Variants in OLFML1 observed in about 807,000 individuals in gnomAD.
OLFML1 encodes olfactomedin-like protein 1.
OLFML1 carries 33 observed loss-of-function variants against 37.3 expected under a neutral mutation model. The ratio of observed to expected loss-of-function variants is 0.88; its 90% CI spans 0.67 to 1.18. The LOEUF is 1.18. OLFML1 is among the 50% of genes most tolerant of loss of function. The pLI is 0.00. For synonymous variants in OLFML1, 186 were observed against 181.3 expected, an observed-to-expected ratio of 1.03 and a Z score of -0.21; for missense variants, 545 against 483.7, an observed-to-expected ratio of 1.13 and a Z score of -1.19.
At chr11:7,504,690 T>C (rs1848763167) in intron 2 of OLFML1, 1 of 152,026 alleles carries the variant, frequency 6.6e-6, no homozygotes, top group Admixed American at 6.6e-5. Context: ...AGTGTGATAG[T>C]CATATGGAAA....
intron 2 of OLFML1, among the ~76,000 whole-genome samples, chr11:7,496,689 T>C (rs995152555): frequency 1.3e-5 from 2 of 151,270 alleles, no homozygotes; most frequent in African/African-American, 4.9e-5. Flanking sequence ...CCTTTTCAGT[T>C]TGGAATATTA....
intron 2 of OLFML1, 110 bp from the exon 3 acceptor site, chr11:7,509,288 T>A: frequency 1.3e-6 from 1 of 756,654 alleles, no homozygotes; most frequent in South Asian, 1.9e-5. Flanking sequence ...ATATTCCCCA[T>A]CAGTATTAGA....
At chr11:7,487,174 A>G (rs1848533439) in intron 1 of OLFML1, among the ~76,000 whole-genome samples, 2 of 152,224 alleles carry the variant, frequency 1.3e-5, no homozygotes, top group Non-Finnish European at 2.9e-5. Flanking sequence ...TTTGAAAAAG[A>G]CAAGGATATG....
At chr11:7,498,270 C>T (rs1848685524) in intron 2 of OLFML1, among the ~76,000 whole-genome samples, 1 of 152,198 alleles carries the variant, frequency 6.6e-6, no homozygotes, top group Non-Finnish European at 1.5e-5. Flanking sequence ...TCTGCAGGAG[C>T]AGAGGATTTT....
At chr11:7,500,746 A>G (rs1457768868) in intron 2 of OLFML1, among the ~76,000 whole-genome samples, 1 of 151,504 alleles carries the variant, frequency 6.6e-6, no homozygotes, top group Non-Finnish European at 1.5e-5. Flanking sequence ...AAAAAGAATT[A>G]TACGGGGCTG....
In OLFML1 at chr11:7,510,944, T is replaced by G. The variant is rs3884596; in HGVS notation, c.*756T>G. The G allele has an allele frequency of 0.45, 68,884 of 152,122 alleles. 15,879 individuals carry two copies. Among genetic ancestry groups the G allele is most frequent in the Middle Eastern group, 0.49 (143 of 294 alleles). 9.4% of individuals were successfully genotyped at this position (152,122 alleles called of 1,614,324 possible). A position where few individuals can be genotyped will look rare whatever the true frequency, so the allele number is the denominator to read the frequency against. On this transcript the variant is annotated 3_prime_UTR_variant, in exon 3 of 3. Transcript: ENST00000329293. ...AGGTGTGGAGTGTTTGCACATCATT[T>G]AATTCTCGTTTCACCTTTGTGAAAC...
At chr11:7,502,741 G>A (rs981327536) in intron 2 of OLFML1, among the ~76,000 whole-genome samples, 6 of 151,964 alleles carry the variant, frequency 3.9e-5, no homozygotes, top group Admixed American at 2.0e-4. Flanking sequence ...AAGTAGCTGC[G>A]ATTACAGGAA....
chr11:7,509,699 C>T lies in OLFML1; in HGVS notation c.720C>T (p.Asn240=). Reference sequence around the variant, plus strand: ...CTTCTAATGAGATAATCAAATATAACCTGCAGAAGAGGACTGTGGAAGATC... The same window carrying T: ...CTTCTAATGAGATAATCAAATATAATCTGCAGAAGAGGACTGTGGAAGATC... The part of the protein sequence containing the change: ...QATSNEIIKY[N]LQKRTVEDRM... Residue 240 remains asparagine (N), a synonymous_variant, in exon 3 of 3, where the codon AAC becomes AAT. Transcript: ENST00000329293. 6.2e-7 allele frequency: 1 copy of T among 1,614,184 alleles called. No homozygotes were observed. The highest frequency in any genetic ancestry group is 8.5e-7 in the Non-Finnish European group (1 of 1,180,024).
intron 2 of OLFML1, among the ~76,000 whole-genome samples, chr11:7,506,658 C>T (rs913706025): frequency 1.3e-5 from 2 of 152,196 alleles, no homozygotes; most frequent in African/African-American, 4.8e-5. Flanking sequence ...GAGATTTTCT[C>T]CTCCATCAAC....
At chr11:7,505,775 G>C (rs192036664) in intron 2 of OLFML1, among the ~76,000 whole-genome samples, 1 of 152,126 alleles carries the variant, frequency 6.6e-6, no homozygotes, top group African/African-American at 2.4e-5. Context: ...AGGCTACAGT[G>C]AGCCACGATC....
Position 7,485,687 on chromosome 11 carries a change from A to C in OLFML1, c.-189A>C. 1.6e-6 allele frequency: 1 copy of C among 615,842 alleles called. No individual in the cohort carries two copies. Among genetic ancestry groups the C allele is most frequent in the Non-Finnish European group, 2.8e-6 (1 of 350,990 alleles). 38.1% of individuals were successfully genotyped at this position (615,842 alleles called of 1,614,324 possible). The stretch of plus-strand genomic sequence containing the variant: ...AACTTGCCAACAGCTGGACTTGATC[A>C]CTAGCTGGCAAACTGAGCTCACGTA... On this transcript the variant is annotated 5_prime_UTR_variant, in exon 1 of 3. Coordinates refer to ENST00000329293, the MANE Select transcript of OLFML1 (RefSeq NM_198474.4).
intron 2 of OLFML1, among the ~76,000 whole-genome samples, chr11:7,489,865 T>C (rs1019141322): frequency 5.9e-5 from 9 of 152,106 alleles, no homozygotes; most frequent in Non-Finnish European, 1.0e-4. Context: ...GGAGCACTTA[T>C]TACTCTATAA....
chr11:7,495,054 TC>T (rs1259990195), intron 2 of OLFML1, among the ~76,000 whole-genome samples: 1 of 152,184 alleles, frequency 6.6e-6, no homozygotes, highest in Non-Finnish European at 1.5e-5. Context: ...ACACACACTT[TC>T]CTGGGCTAGA....
At chr11:7,491,395 T>C (rs543285329) in intron 2 of OLFML1, among the ~76,000 whole-genome samples, 51 of 152,346 alleles carry the variant, frequency 3.3e-4, no homozygotes, top group Non-Finnish European at 5.4e-4. Flanking sequence ...GCCTAGGTCA[T>C]GTCCTCCCAT....
intron 2 of OLFML1, among the ~76,000 whole-genome samples, chr11:7,494,407 T>G (rs1848636926): frequency 6.6e-6 from 1 of 152,252 alleles, no homozygotes; most frequent in South Asian, 2.1e-4. Context: ...CCTATCTCAC[T>G]GGACTATGTC....
intron 2 of OLFML1, among the ~76,000 whole-genome samples, chr11:7,494,389 G>T (rs77934155): frequency 0.044 from 6,773 of 152,300 alleles, 219 homozygotes; most frequent in Non-Finnish European, 0.072. Context: ...TAATCCTTAA[G>T]CATTTTACCT....
At chr11:7,492,463 G>A (rs1207885343) in intron 2 of OLFML1, among the ~76,000 whole-genome samples, 1 of 152,102 alleles carries the variant, frequency 6.6e-6, no homozygotes, top group Non-Finnish European at 1.5e-5. Flanking sequence ...ATTTAACCTT[G>A]TATCTCAGGA....
At position 7,485,580 on chromosome 11, in the gene OLFML1, C is replaced by T. The variant is rs1179448607; in HGVS notation, c.-296C>T. On this transcript the variant is annotated 5_prime_UTR_variant, in exon 1 of 3. Coordinates refer to ENST00000329293, the MANE Select transcript of OLFML1 (RefSeq NM_198474.4). Reference sequence around the variant, plus strand: ...TGCAACCACTAGCCTGGGGAGGGTCCGCATGTGTCAAGGGTGAGGGCAACA... The same window carrying T: ...TGCAACCACTAGCCTGGGGAGGGTCTGCATGTGTCAAGGGTGAGGGCAACA... The T allele has an allele frequency of 6.3e-6, 2 of 319,614 alleles. No individual in the cohort carries two copies. Among genetic ancestry groups the T allele is most frequent in the Non-Finnish European group, 5.8e-6 (1 of 172,888 alleles). The allele number at this position is 319,614 out of a possible 1,614,324, so 19.8% of individuals were successfully genotyped here. A position where few individuals can be genotyped will look rare whatever the true frequency, so the allele number is the denominator to read the frequency against.
In OLFML1 at chr11:7,504,934, T is replaced by TTTC. The variant is rs1848767887; in HGVS notation, c.419-4462_419-4461insCTT. On this transcript the variant is annotated intron_variant, in intron 2 of 2. Coordinates refer to ENST00000329293, the MANE Select transcript of OLFML1 (RefSeq NM_198474.4). ...CCTGCTGCTGACACATCCAGCATTT[T>TTTC]TTTTTTTTTTTTAGACAGGGTCTGG... 3.3e-5 allele frequency: 5 copies of TTTC among 151,324 alleles called. No homozygotes were observed. In the South Asian group the frequency reaches 1.1e-3, roughly 32 times the overall value. 9.4% of individuals were successfully genotyped at this position (151,324 alleles called of 1,614,324 possible).
Sources: allele counts gnomAD v4.1 joint callset (sites outside exome capture counted in the v4.1 genomes callset), GRCh38; gene constraint gnomAD v4.1.1; transcripts MANE v1.5; gene names NCBI Gene and HGNC (gene_info 2026-07-23, HGNC 2026-07-21).